The following GRID2 variants were observed in gnomAD, a reference collection of about 807,000 sequenced individuals.
GRID2 encodes the protein glutamate receptor ionotropic, delta-2.
Under a neutral mutation model 114.8 loss-of-function variants are expected in GRID2, and 33 were observed. The observed-to-expected ratio is 0.29, with a 90% CI of 0.22 to 0.38. The LOEUF (loss-of-function observed/expected upper bound fraction) is 0.38, where lower values mean the gene tolerates loss of function less well. GRID2 is among the 10% of genes least tolerant of loss of function. The pLI is 1.00. For missense variants in GRID2, 1,184 were observed against 1,257.7 expected, an observed-to-expected ratio of 0.94 and a Z score of 0.89; for synonymous variants, 505 against 449.9, an observed-to-expected ratio of 1.12 and a Z score of -1.55.
intron 2 of GRID2, among the ~76,000 whole-genome samples, chr4:92,769,718 G>A (rs1441490956): frequency 1.3e-5 from 2 of 152,166 alleles, no homozygotes; most frequent in Admixed American, 6.5e-5. Flanking sequence ...TAAAGCCACA[G>A]CCCAAGGTGT....
At chr4:93,088,879 C>T (rs965787165) in intron 3 of GRID2, among the ~76,000 whole-genome samples, 1 of 151,954 alleles carries the variant, frequency 6.6e-6, no homozygotes, top group Admixed American at 6.6e-5. Flanking sequence ...TCTGACAGAG[C>T]CTATGATCTT....
chr4:92,621,661 A>T (rs569646077), intron 2 of GRID2, among the ~76,000 whole-genome samples: 3 of 151,858 alleles, frequency 2.0e-5, no homozygotes, highest in African/African-American at 4.8e-5. Context: ...ATCATCTCTT[A>T]AAAAAATCCA....
At chr4:93,193,480 G>A (rs1425793246) in intron 4 of GRID2, among the ~76,000 whole-genome samples, 1 of 151,956 alleles carries the variant, frequency 6.6e-6, no homozygotes, top group Non-Finnish European at 1.5e-5. Context: ...CTTTTGCTCT[G>A]CACTTCTTCC....
chr4:92,908,196 T>G (rs1176655867), intron 2 of GRID2, among the ~76,000 whole-genome samples: 5 of 152,180 alleles, frequency 3.3e-5, no homozygotes, highest in Non-Finnish European at 5.9e-5. Flanking sequence ...TTAATAGTTT[T>G]TTTATTGACA....
At chr4:92,715,112 G>T (rs1235413882) in intron 2 of GRID2, among the ~76,000 whole-genome samples, 2 of 152,050 alleles carry the variant, frequency 1.3e-5, no homozygotes, top group East Asian at 1.9e-4. Flanking sequence ...CTTTTGCTGT[G>T]CTGCTTAGAA....
chr4:92,871,323 T>G (rs1432794401), intron 2 of GRID2, among the ~76,000 whole-genome samples: 1 of 152,078 alleles, frequency 6.6e-6, no homozygotes, highest in Non-Finnish European at 1.5e-5. Flanking sequence ...TTTTTTTTTC[T>G]GTTAATGTAA....
At chr4:93,012,488 G>A (rs749621621) in intron 2 of GRID2, among the ~76,000 whole-genome samples, 1 of 152,048 alleles carries the variant, frequency 6.6e-6, no homozygotes, top group East Asian at 1.9e-4. Context: ...GGGCAACGTG[G>A]TGTAAATCTA....
intron 2 of GRID2, among the ~76,000 whole-genome samples, chr4:92,938,836 T>A (rs934313152): frequency 6.9e-6 from 1 of 145,794 alleles, no homozygotes; most frequent in African/African-American, 2.4e-5. Flanking sequence ...GTCCTTGCGA[T>A]AGTTTGCTAA....
intron 13 of GRID2, among the ~76,000 whole-genome samples, chr4:93,537,303 C>T (rs887808280): frequency 2.0e-5 from 3 of 151,590 alleles, no homozygotes; most frequent in African/African-American, 7.3e-5. Context: ...TACATAGCTC[C>T]TATTTTCTGC....
At chr4:92,925,527 A>G (rs555262927) in intron 2 of GRID2, among the ~76,000 whole-genome samples, 1 of 152,192 alleles carries the variant, frequency 6.6e-6, no homozygotes, top group South Asian at 2.1e-4. Context: ...CTGGGTGTGT[A>G]ACAATATATG....
chr4:92,378,797 CA>C (rs1729476425), intron 1 of GRID2, among the ~76,000 whole-genome samples: 1 of 151,916 alleles, frequency 6.6e-6, no homozygotes, highest in Admixed American at 6.6e-5. Context: ...AAGTAAGAAT[CA>C]AAATATTTCA....
At chr4:93,136,542 G>C (rs554127766) in intron 4 of GRID2, among the ~76,000 whole-genome samples, 1 of 152,176 alleles carries the variant, frequency 6.6e-6, no homozygotes, top group South Asian at 2.1e-4. Flanking sequence ...TCAATGAAAA[G>C]GAATCACTGA....
At chr4:92,863,537 T>C (rs1021502193) in intron 2 of GRID2, among the ~76,000 whole-genome samples, 1 of 152,146 alleles carries the variant, frequency 6.6e-6, no homozygotes, top group Non-Finnish European at 1.5e-5. Flanking sequence ...ACTCTTCAAA[T>C]ACTCTGCAGC....
intron 13 of GRID2, among the ~76,000 whole-genome samples, chr4:93,559,643 C>T (rs1022830240): frequency 4.6e-5 from 7 of 152,176 alleles, no homozygotes; most frequent in African/African-American, 9.6e-5. Context: ...AGTGTAAATT[C>T]GTTCAACCAT....
intron 1 of GRID2, among the ~76,000 whole-genome samples, chr4:92,496,196 T>G (rs1222298661): frequency 2.6e-5 from 4 of 151,996 alleles, no homozygotes; most frequent in Admixed American, 2.6e-4. Flanking sequence ...AAACTGATAT[T>G]TATCCTAATT....
At chr4:92,673,245 A>G (rs865923082) in intron 2 of GRID2, among the ~76,000 whole-genome samples, 7 of 152,066 alleles carry the variant, frequency 4.6e-5, no homozygotes, top group Middle Eastern at 3.2e-3. Context: ...ACTATATTCA[A>G]TCTTTTGGAT....
At chr4:92,737,560 C>T (rs1010147201) in intron 2 of GRID2, among the ~76,000 whole-genome samples, 6 of 152,078 alleles carry the variant, frequency 3.9e-5, no homozygotes, top group Non-Finnish European at 5.9e-5. Flanking sequence ...GGCTAAGCTA[C>T]GTCTAATAGG....
At chr4:92,346,699 A>T (rs2110174247) in intron 1 of GRID2, among the ~76,000 whole-genome samples, 1 of 152,286 alleles carries the variant, frequency 6.6e-6, no homozygotes, top group Non-Finnish European at 1.5e-5. Context: ...AAAATCAACA[A>T]TATTTTGCAG....
At chr4:92,939,915 A>G (rs180867053) in intron 2 of GRID2, among the ~76,000 whole-genome samples, 3 of 146,450 alleles carry the variant, frequency 2.0e-5, no homozygotes, top group African/African-American at 4.9e-5. Context: ...CTTCTGTTCC[A>G]TTGGTGTATA....
Sources: allele counts gnomAD v4.1 joint callset (sites outside exome capture counted in the v4.1 genomes callset), GRCh38; gene constraint gnomAD v4.1.1; transcripts MANE v1.5; gene names NCBI Gene and HGNC (gene_info 2026-07-23, HGNC 2026-07-21).